OR1J2: variants seen among roughly 807,000 people sequenced by gnomAD.
OR1J2 encodes olfactory receptor family 1 subfamily J member 2.
For synonymous variants in OR1J2, 142 were observed against 99.7 expected (o/e 1.42, Z -2.52); for missense variants, 304 against 246.1 (o/e 1.24, Z -1.57).
the OR1J2 span, among the ~76,000 whole-genome samples, chr9:122,538,060 T>C: frequency 6.6e-6 from 1 of 152,150 alleles, no homozygotes; most frequent in Non-Finnish European, 1.5e-5. Flanking sequence ...GAATTTTCCA[T>C]TGTGGGCATG....
the OR1J2 span, among the ~76,000 whole-genome samples, chr9:122,537,558 GT>G: frequency 0.38 from 57,462 of 151,954 alleles, 11,251 homozygotes; most frequent in East Asian, 0.54. Context: ...AATTTTAGAA[GT>G]TTTTTTCTAA....
the OR1J2 span, among the ~76,000 whole-genome samples, chr9:122,523,877 C>G: frequency 6.6e-6 from 1 of 152,188 alleles, no homozygotes; most frequent in Non-Finnish European, 1.5e-5. Context: ...CTACCTCTCT[C>G]CATTACCCCA....
chr9:122,536,579 CT>C, the OR1J2 span, among the ~76,000 whole-genome samples: 1 of 152,224 alleles, frequency 6.6e-6, no homozygotes, highest in Non-Finnish European at 1.5e-5. Flanking sequence ...CTATAGGCCC[CT>C]GGCTTCCCTT....
At chr9:122,455,408 G>T in the OR1J2 span, among the ~76,000 whole-genome samples, 6 of 152,172 alleles carry the variant, frequency 3.9e-5, no homozygotes, top group Non-Finnish European at 5.9e-5. Context: ...GGTATGAAGT[G>T]ATATTTTATT....
the OR1J2 span, among the ~76,000 whole-genome samples, chr9:122,471,947 A>T: frequency 1.3e-5 from 2 of 152,186 alleles, no homozygotes; most frequent in African/African-American, 2.4e-5. Context: ...ACTGTACATA[A>T]CTTAAGCCAC....
chr9:122,448,192 T>C, the OR1J2 span, among the ~76,000 whole-genome samples: 3 of 152,082 alleles, frequency 2.0e-5, no homozygotes, highest in Non-Finnish European at 2.9e-5. Flanking sequence ...AGAAAACATA[T>C]GTGCAAAGGA....
the OR1J2 span, among the ~76,000 whole-genome samples, chr9:122,531,725 T>G: frequency 6.6e-6 from 1 of 152,206 alleles, no homozygotes; most frequent in Non-Finnish European, 1.5e-5. Flanking sequence ...AAGGTTTCAC[T>G]GAATACCAAG....
At chr9:122,473,029 A>G in the OR1J2 span, among the ~76,000 whole-genome samples, 2 of 152,208 alleles carry the variant, frequency 1.3e-5, no homozygotes, top group East Asian at 3.8e-4. Context: ...TGACTTCTAT[A>G]TACCCTTTCC....
upstream of OR1J2, among the ~76,000 whole-genome samples, chr9:122,507,846 T>C (rs1260136566): frequency 6.6e-6 from 1 of 152,166 alleles, no homozygotes; most frequent in Non-Finnish European, 1.5e-5. Flanking sequence ...CAATATTTGC[T>C]GAGCACTATG....
At chr9:122,545,534 A>G in the OR1J2 span, among the ~76,000 whole-genome samples, 80 of 152,272 alleles carry the variant, frequency 5.3e-4, no homozygotes, top group African/African-American at 1.9e-3. Flanking sequence ...TTGTATCTTC[A>G]GGATGAGTCG....
the OR1J2 span, chr9:122,519,626 C>T: frequency 6.2e-7 from 1 of 1,614,154 alleles, no homozygotes; most frequent in Non-Finnish European, 8.5e-7. Flanking sequence ...ACACTCTCCT[C>T]CTGGCCCAGC....
chr9:122,521,014 C>G, the OR1J2 span, among the ~76,000 whole-genome samples: 2 of 152,218 alleles, frequency 1.3e-5, no homozygotes, highest in Non-Finnish European at 2.9e-5. Context: ...ATTTGGAAAG[C>G]TAGATCTCAT....
rs538523533 is a variant in OR1J2 at position 122,511,128 on chromosome 9, C to T, written c.327C>T (p.Asp109=). 1.2e-6 allele frequency: 1 copy of T among 862,102 alleles called. No homozygotes were observed. Among genetic ancestry groups the T allele is most frequent in the East Asian group, 2.4e-5 (1 of 41,232 alleles). The allele number at this position is 862,102 out of a possible 1,614,324, so 53.4% of individuals were successfully genotyped here. Residue 109 remains aspartate, a synonymous_variant, in exon 1 of 1, where the codon GAC becomes GAT. Transcript: ENST00000335302. ...SQMYFFIFFT[D]LDSFLITSMA... The stretch of plus-strand genomic sequence containing the variant: ...TGTATTTTTTTATATTTTTTACTGA[C>T]CTGGACAGCTTCCTTATTACATCAA...
At chr9:122,485,754 CAA>C in the OR1J2 span, among the ~76,000 whole-genome samples, 1 of 152,104 alleles carries the variant, frequency 6.6e-6, no homozygotes, top group Non-Finnish European at 1.5e-5. Flanking sequence ...CTTTCTCAGA[CAA>C]AGTGAGGAGA....
chr9:122,456,419 T>C, the OR1J2 span, among the ~76,000 whole-genome samples: 51 of 152,204 alleles, frequency 3.4e-4, no homozygotes, highest in Non-Finnish European at 5.9e-4. Context: ...ACAGAGACAA[T>C]CTGCCAAGAC....
chr9:122,544,034 T>C, the OR1J2 span, among the ~76,000 whole-genome samples: 1 of 152,220 alleles, frequency 6.6e-6, no homozygotes, highest in Non-Finnish European at 1.5e-5. Flanking sequence ...CTATTTCCTT[T>C]TTGTTTACTG....
At chr9:122,481,294 C>T in the OR1J2 span, among the ~76,000 whole-genome samples, 3 of 152,070 alleles carry the variant, frequency 2.0e-5, no homozygotes, top group South Asian at 2.1e-4. Context: ...CATGGTAAAG[C>T]GCATTTCTTA....
the OR1J2 span, among the ~76,000 whole-genome samples, chr9:122,460,181 GTA>G: frequency 3.8e-4 from 13 of 34,564 alleles, no homozygotes; most frequent in Non-Finnish European, 7.0e-4. Flanking sequence ...GTGTGTGTGT[GTA>G]TATATATATA....
the OR1J2 span, among the ~76,000 whole-genome samples, chr9:122,489,081 C>G: frequency 6.6e-6 from 1 of 150,966 alleles, no homozygotes; most frequent in African/African-American, 2.4e-5. Flanking sequence ...TTTTCTGTCC[C>G]CAAAGAGTTC....
Sources: allele counts gnomAD v4.1 joint callset (sites outside exome capture counted in the v4.1 genomes callset), GRCh38; gene constraint gnomAD v4.1.1; transcripts MANE v1.5; gene names NCBI Gene and HGNC (gene_info 2026-07-23, HGNC 2026-07-21).